The following DDAH1 variants were observed in gnomAD, a reference collection of about 807,000 sequenced individuals.
DDAH1 encodes the protein N(G),N(G)-dimethylarginine dimethylaminohydrolase 1.
In DDAH1, 19 loss-of-function variants were observed where a neutral mutation model predicts 28.8. The observed-to-expected ratio is 0.66, with a 90% CI of 0.46 to 0.97. The LOEUF (loss-of-function observed/expected upper bound fraction) is 0.97, where lower values mean the gene tolerates loss of function less well. Ranked by LOEUF, DDAH1 falls within the 50% of genes least tolerant of loss-of-function variation. The pLI is 0.00. For missense variants in DDAH1, 326 were observed against 375.9 expected, an observed-to-expected ratio of 0.87 and a Z score of 1.10; for synonymous variants, 153 against 154.4, an observed-to-expected ratio of 0.99 and a Z score of 0.07.
intron 1 of DDAH1, among the ~76,000 whole-genome samples, chr1:85,574,371 A>G (rs12086058): frequency 0.41 from 61,884 of 152,194 alleles, 12,823 homozygotes; most frequent in Non-Finnish European, 0.44. Flanking sequence ...ATGCCATGAC[A>G]GCAAGGCCAT....
chr1:85,500,055 C>CTCTTTTCTTT (rs202102288), intron 1 of DDAH1, among the ~76,000 whole-genome samples: 1 of 112,158 alleles, frequency 8.9e-6, no homozygotes, highest in Admixed American at 8.6e-5. Flanking sequence ...TTCTTTCTCT[C>CTCTTTTCTTT]TCTTTTCTTT....
At chr1:85,500,160 TTTCTCTTTTTTCC>T (rs1656768173) in intron 1 of DDAH1, among the ~76,000 whole-genome samples, 1 of 66,460 alleles carries the variant, frequency 1.5e-5, no homozygotes, top group Non-Finnish European at 4.5e-5. Flanking sequence ...TCTTTCTTTC[TTTCTCTTTTTTCC>T]TTCCTTCCTT....
intron 5 of DDAH1, among the ~76,000 whole-genome samples, chr1:85,324,383 T>C (rs888354033): frequency 4.6e-5 from 7 of 152,092 alleles, no homozygotes; most frequent in South Asian, 2.1e-4. Context: ...AGCGATACCG[T>C]TGACCATCTA....
intron 1 of DDAH1, among the ~76,000 whole-genome samples, chr1:85,393,332 A>G (rs1390667809): frequency 2.6e-5 from 4 of 152,194 alleles, no homozygotes; most frequent in Non-Finnish European, 5.9e-5. Context: ...ATAAAAAACA[A>G]AATTTCAGTT....
intron 4 of DDAH1, among the ~76,000 whole-genome samples, chr1:85,344,171 CATA>C (rs761128845): frequency 5.5e-4 from 83 of 152,190 alleles, no homozygotes; most frequent in Non-Finnish European, 9.4e-4. Flanking sequence ...GTGGTGATCT[CATA>C]ATTCTTTTCT....
intron 1 of DDAH1, among the ~76,000 whole-genome samples, chr1:85,575,200 T>C (rs1297058135): frequency 6.6e-6 from 1 of 152,080 alleles, no homozygotes; most frequent in Non-Finnish European, 1.5e-5. Context: ...CACTGCACTC[T>C]AGCCTGGGTG....
At chr1:85,373,627 C>A (rs1367054367) in intron 1 of DDAH1, among the ~76,000 whole-genome samples, 3 of 152,128 alleles carry the variant, frequency 2.0e-5, no homozygotes, top group Non-Finnish European at 4.4e-5. Flanking sequence ...TGCCTGAGAC[C>A]TCCCCAGTCA....
chr1:85,389,053 G>C (rs1277755627), intron 1 of DDAH1, among the ~76,000 whole-genome samples: 2 of 151,978 alleles, frequency 1.3e-5, no homozygotes, highest in Non-Finnish European at 2.9e-5. Flanking sequence ...ATTAACAGTT[G>C]TTTTTAGGCC....
At chr1:85,513,018 A>G (rs1657303365) in intron 1 of DDAH1, among the ~76,000 whole-genome samples, 1 of 152,202 alleles carries the variant, frequency 6.6e-6, no homozygotes, top group Admixed American at 6.5e-5. Flanking sequence ...TTCATATGGA[A>G]CCAACAAAGA....
At chr1:85,412,624 C>T (rs1652706581) in intron 1 of DDAH1, among the ~76,000 whole-genome samples, 1 of 152,162 alleles carries the variant, frequency 6.6e-6, no homozygotes. Flanking sequence ...ACATTTGTAC[C>T]CCTCATCCTT....
At chr1:85,428,510 G>T (rs953489265) in intron 1 of DDAH1, among the ~76,000 whole-genome samples, 1 of 152,138 alleles carries the variant, frequency 6.6e-6, no homozygotes, top group African/African-American at 2.4e-5. Flanking sequence ...CCCATGGCAC[G>T]TGGGAATTAT....
chr1:85,365,881 C>T (rs930575477), intron 1 of DDAH1, among the ~76,000 whole-genome samples: 18 of 152,108 alleles, frequency 1.2e-4, no homozygotes, highest in East Asian at 3.9e-4. Context: ...AAAGTATCTA[C>T]TTAGATGACT....
intron 1 of DDAH1, among the ~76,000 whole-genome samples, chr1:85,501,418 G>GC (rs985388472): frequency 6.6e-6 from 1 of 152,054 alleles, no homozygotes; most frequent in South Asian, 2.1e-4. Context: ...CCAGTTTACA[G>GC]CCCCCCAGTA....
At chr1:85,505,038 T>A (rs1656965958) in intron 1 of DDAH1, among the ~76,000 whole-genome samples, 1 of 132,318 alleles carries the variant, frequency 7.6e-6, no homozygotes, top group African/African-American at 2.9e-5. Context: ...CAGGCTGGAG[T>A]GCAATGGCGT....
At chr1:85,329,787 T>A (rs183881019) in intron 4 of DDAH1, among the ~76,000 whole-genome samples, 19 of 152,310 alleles carry the variant, frequency 1.2e-4, no homozygotes, top group Admixed American at 2.6e-4. Flanking sequence ...GAAATGACTT[T>A]TAATAATGAA....
chr1:85,496,535 C>T (rs918589769), intron 1 of DDAH1, among the ~76,000 whole-genome samples: 5 of 152,324 alleles, frequency 3.3e-5, no homozygotes, highest in Middle Eastern at 6.8e-3. Flanking sequence ...ATGTTCTGTA[C>T]ATAGAGTCGG....
chr1:85,411,381 G>C (rs1334629554), intron 1 of DDAH1, among the ~76,000 whole-genome samples: 3 of 152,166 alleles, frequency 2.0e-5, no homozygotes, highest in African/African-American at 7.2e-5. Context: ...CATAACTAGA[G>C]AAACAATTAG....
At chr1:85,432,246 C>G (rs641864) in intron 1 of DDAH1, among the ~76,000 whole-genome samples, 150,596 of 152,224 alleles carry the variant, frequency 0.99, 74,514 homozygotes, top group East Asian at 1. Flanking sequence ...GGAACTCCTT[C>G]AAAGTGTGGC....
chr1:85,571,358 T>A (rs149579670), intron 1 of DDAH1, among the ~76,000 whole-genome samples: 90 of 152,296 alleles, frequency 5.9e-4, no homozygotes, highest in African/African-American at 2.1e-3. Context: ...AGGGAATGTG[T>A]ATGTTAGGGA....
Sources: gnomAD v4.1 joint callset for allele counts (sites outside exome capture counted in the v4.1 genomes callset) on GRCh38, gnomAD v4.1.1 for gene constraint, MANE v1.5 for transcripts, NCBI Gene and HGNC (gene_info 2026-07-23, HGNC 2026-07-21) for gene names.